FAM135A: variants seen among roughly 807,000 people sequenced by gnomAD.
The protein encoded by FAM135A is family with sequence similarity 135 member A.
A neutral mutation model predicts 146.8 loss-of-function variants in FAM135A; 79 were observed. The ratio of observed to expected loss-of-function variants is 0.54; its 90% CI spans 0.45 to 0.65. FAM135A has a LOEUF of 0.65. Among genes scored for constraint, FAM135A ranks in the 30% least tolerant of loss-of-function variants. FAM135A has a pLI of 0.00. For synonymous variants in FAM135A, 562 were observed against 603.6 expected (o/e 0.93, Z 1.01); for missense variants, 1,623 against 1,758.2 (o/e 0.92, Z 1.38).
At chr6:70,432,315 T>C (rs1014068467) in intron 4 of FAM135A, among the ~76,000 whole-genome samples, 1 of 152,156 alleles carries the variant, frequency 6.6e-6, no homozygotes, top group Non-Finnish European at 1.5e-5. Context: ...TGACTACTTA[T>C]AAAAGATTTA....
intron 20 of FAM135A, among the ~76,000 whole-genome samples, chr6:70,551,837 AC>A (rs1403454258): frequency 2.6e-5 from 4 of 152,230 alleles, no homozygotes; most frequent in African/African-American, 7.2e-5. Context: ...GCATTGCAAA[AC>A]AATTCCAATA....
intron 12 of FAM135A, among the ~76,000 whole-genome samples, chr6:70,512,457 A>G (rs1057321983): frequency 7.9e-5 from 12 of 151,190 alleles, no homozygotes; most frequent in East Asian, 3.9e-4. Context: ...CAAAATGGCT[A>G]TACAGTTTTA....
At chr6:70,508,437 C>T (rs1433189534) in intron 12 of FAM135A, among the ~76,000 whole-genome samples, 12 of 152,140 alleles carry the variant, frequency 7.9e-5, no homozygotes, top group Non-Finnish European at 1.8e-4. Context: ...AAAGATACCT[C>T]TTGTTGTGTT....
chr6:70,538,287 C>G lies in FAM135A; in HGVS notation c.4118-4C>G, dbSNP rs776796927. The stretch of plus-strand genomic sequence containing the variant: ...ATACTTCTATATCATATATGACTCT[C>G]TAGGTCTCTGGTTTATGCAGAAATG... On this transcript the variant is annotated splice_region_variant and splice_polypyrimidine_tract_variant and intron_variant, in intron 19 of 21. Transcript: ENST00000418814. 1.0e-5 allele frequency: 15 copies of G among 1,471,430 alleles called. No individual in the cohort carries two copies. The highest frequency in any genetic ancestry group is 2.2e-5 in the Admixed American group (1 of 45,828). 91.1% of individuals were successfully genotyped at this position (1,471,430 alleles called of 1,614,324 possible). A position where few individuals can be genotyped will look rare whatever the true frequency, so the allele number is the denominator to read the frequency against.
At chr6:70,559,323 C>A (rs1007679779) in intron 21 of FAM135A, among the ~76,000 whole-genome samples, 3 of 151,926 alleles carry the variant, frequency 2.0e-5, no homozygotes, top group African/African-American at 7.3e-5. Context: ...TGCCTGTAAT[C>A]CCAGCTACTC....
chr6:70,487,491 A>G (rs1469075395), intron 10 of FAM135A, among the ~76,000 whole-genome samples: 1 of 152,190 alleles, frequency 6.6e-6, no homozygotes, highest in Non-Finnish European at 1.5e-5. Context: ...TATGAAATGA[A>G]GGAAGTTAAA....
At chr6:70,482,365 T>G (rs1221836846) in intron 10 of FAM135A, among the ~76,000 whole-genome samples, 1 of 150,180 alleles carries the variant, frequency 6.7e-6, no homozygotes, top group African/African-American at 2.5e-5. Flanking sequence ...AACTTCTTGG[T>G]GCTAAATGTG....
chr6:70,554,547 A>G (rs1214347415), intron 20 of FAM135A, among the ~76,000 whole-genome samples: 1 of 152,232 alleles, frequency 6.6e-6, no homozygotes, highest in African/African-American at 2.4e-5. Context: ...GAATTTTGCT[A>G]CAACACTGTG....
intron 11 of FAM135A, among the ~76,000 whole-genome samples, chr6:70,500,124 G>A (rs1023243631): frequency 6.6e-6 from 1 of 152,132 alleles, no homozygotes; most frequent in African/African-American, 2.4e-5. Context: ...CCAATCAATC[G>A]TAGGTTTGGT....
intron 5 of FAM135A, among the ~76,000 whole-genome samples, chr6:70,465,636 T>A (rs1780313826): frequency 6.6e-6 from 1 of 152,090 alleles, no homozygotes; most frequent in Non-Finnish European, 1.5e-5. Context: ...TGCCTCGGCC[T>A]CCTAAAGTGC....
chr6:70,503,346 C>T (rs1167139732), intron 12 of FAM135A: 3 of 152,078 alleles, frequency 2.0e-5, no homozygotes, highest in African/African-American at 7.2e-5. Flanking sequence ...ACTATCTTTC[C>T]ATCTTGTTTC....
chr6:70,473,058 A>G (rs1457031108), intron 5 of FAM135A, among the ~76,000 whole-genome samples: 1 of 152,166 alleles, frequency 6.6e-6, no homozygotes, highest in Non-Finnish European at 1.5e-5. Flanking sequence ...TTATATCAGT[A>G]TGGACTTACA....
intron 4 of FAM135A, among the ~76,000 whole-genome samples, chr6:70,434,163 C>T (rs1025163601): frequency 6.6e-6 from 1 of 152,076 alleles, no homozygotes; most frequent in South Asian, 2.1e-4. Context: ...TGACTTCATT[C>T]AAAATACATT....
At chr6:70,536,117 T>A in intron 18 of FAM135A, 143 bp from the exon 19 acceptor site, 1 of 679,894 alleles carries the variant, frequency 1.5e-6, no homozygotes, top group Non-Finnish European at 2.3e-6. Context: ...ATGTGGTATA[T>A]CATTTCAAAG....
At chr6:70,535,743 A>G (rs944026740) in intron 18 of FAM135A, among the ~76,000 whole-genome samples, 6 of 152,228 alleles carry the variant, frequency 3.9e-5, no homozygotes, top group Non-Finnish European at 7.3e-5. Context: ...TCGAAGATTC[A>G]TAGTAGGAAA....
chr6:70,425,138 C>T (rs1273796563), intron 2 of FAM135A, among the ~76,000 whole-genome samples: 2 of 149,936 alleles, frequency 1.3e-5, no homozygotes, highest in African/African-American at 4.9e-5. Context: ...CACACACACA[C>T]AGAGTATACC....
intron 4 of FAM135A, among the ~76,000 whole-genome samples, chr6:70,444,129 G>T (rs192141240): frequency 4.6e-5 from 7 of 152,244 alleles, no homozygotes; most frequent in Admixed American, 3.3e-4. Flanking sequence ...TTTGGGCTGG[G>T]TGCGGTGGCT....
At chr6:70,475,777 GTTAT>G in intron 7 of FAM135A, 44 bp downstream of exon 7, 1 of 1,416,878 alleles carries the variant, frequency 7.1e-7, no homozygotes, top group Non-Finnish European at 9.8e-7. Context: ...ACTTATGACT[GTTAT>G]TTGTTATTAT....
At chr6:70,559,314 G>C (rs572216875) in intron 21 of FAM135A, among the ~76,000 whole-genome samples, 1 of 152,002 alleles carries the variant, frequency 6.6e-6, no homozygotes, top group Non-Finnish European at 1.5e-5. Context: ...GGTGGTGCAT[G>C]CCTGTAATCC....
Sources: gnomAD v4.1 joint callset for allele counts (sites outside exome capture counted in the v4.1 genomes callset) on GRCh38, gnomAD v4.1.1 for gene constraint, MANE v1.5 for transcripts, NCBI Gene and HGNC (gene_info 2026-07-23, HGNC 2026-07-21) for gene names.